Variants in PDGFC observed in about 807,000 individuals in gnomAD.
The protein encoded by PDGFC is platelet derived growth factor C, also known as platelet-derived growth factor C.
In PDGFC, 12 loss-of-function variants were observed where a neutral mutation model predicts 35.5. The observed-to-expected ratio is 0.34, with a 90% CI of 0.22 to 0.55. The LOEUF is 0.55. PDGFC is among the 20% of genes least tolerant of loss of function. The pLI, the probability that PDGFC is intolerant of heterozygous loss-of-function variation, is 0.91. For synonymous variants in PDGFC, 159 were observed against 148.8 expected, an observed-to-expected ratio of 1.07 and a Z score of -0.50; for missense variants, 322 against 412.4, an observed-to-expected ratio of 0.78 and a Z score of 1.90.
At chr4:156,934,378 T>C (rs146033221) in intron 1 of PDGFC, among the ~76,000 whole-genome samples, 1 of 152,186 alleles carries the variant, frequency 6.6e-6, no homozygotes, top group Non-Finnish European at 1.5e-5. Flanking sequence ...ATAAAAGATT[T>C]AAAATGGTAC....
At chr4:156,793,342 G>A (rs919479704) in intron 3 of PDGFC, among the ~76,000 whole-genome samples, 4 of 151,488 alleles carry the variant, frequency 2.6e-5, no homozygotes, top group Non-Finnish European at 2.9e-5. Flanking sequence ...GACGTAAAAT[G>A]ACCAAAGAGC....
intron 2 of PDGFC, among the ~76,000 whole-genome samples, chr4:156,812,562 G>C (rs1045762531): frequency 6.6e-6 from 1 of 151,718 alleles, no homozygotes; most frequent in African/African-American, 2.4e-5. Context: ...GTAGATACCA[G>C]ACTACCAAAA....
Position 156,763,589 on chromosome 4 carries a change from A to G in PDGFC, c.922-383T>C, listed in dbSNP as rs140734419. 5.2e-3 allele frequency among the ~76,000 whole-genome samples: 793 copies of G among 152,292 alleles called. 9 individuals carry two copies. Among genetic ancestry groups the G allele is most frequent in the African/African-American group, 0.017 (705 of 41,562 alleles). ...GTTTGTCGCTTTCTTTCATTCATTCATTTATTCACACATTTAACAAATATT... is the reference window on the plus strand; with the variant it reads ...GTTTGTCGCTTTCTTTCATTCATTCGTTTATTCACACATTTAACAAATATT... On this transcript the variant is annotated intron_variant, in intron 5 of 5. Coordinates refer to ENST00000502773, the MANE Select transcript of PDGFC (RefSeq NM_016205.3).
chr4:156,854,583 T>C (rs779329825), intron 1 of PDGFC, among the ~76,000 whole-genome samples: 2 of 147,680 alleles, frequency 1.4e-5, no homozygotes, highest in African/African-American at 2.5e-5. Context: ...GTCAAAGTTT[T>C]ATGTAAATCT....
At chr4:156,794,906 A>C (rs1464363487) in intron 3 of PDGFC, among the ~76,000 whole-genome samples, 2 of 152,170 alleles carry the variant, frequency 1.3e-5, no homozygotes, top group African/African-American at 2.4e-5. Flanking sequence ...CGATTTTCCA[A>C]TGACATATCA....
chr4:156,881,509 AG>A (rs1383995848), intron 1 of PDGFC, among the ~76,000 whole-genome samples: 3 of 152,078 alleles, frequency 2.0e-5, no homozygotes, highest in Non-Finnish European at 2.9e-5. Context: ...TGAATCATGG[AG>A]GCAGGTCTTT....
chr4:156,970,957 T>G lies in PDGFC; in HGVS notation c.-54A>C. The G allele has an allele frequency of 8.7e-7, 1 of 1,149,214 alleles. No homozygotes were observed. The allele number at this position is 1,149,214 out of a possible 1,614,324, so 71.2% of individuals were successfully genotyped here. ...CGGCGGGCACTTTGGAAGCAGCGAC[T>G]CCCGAGTCTCTTTCACCACCGCCAG... On this transcript the variant is annotated 5_prime_UTR_variant, in exon 1 of 6. Coordinates refer to ENST00000502773, the MANE Select transcript of PDGFC (RefSeq NM_016205.3).
chr4:156,960,781 C>T (rs140124856), intron 1 of PDGFC, among the ~76,000 whole-genome samples: 261 of 152,108 alleles, frequency 1.7e-3, no homozygotes, highest in African/African-American at 6.0e-3. Flanking sequence ...ATAAGAAATT[C>T]ATCTAAATTT....
chr4:156,951,711 A>AAT (rs1239504278), intron 1 of PDGFC, among the ~76,000 whole-genome samples: 1 of 150,964 alleles, frequency 6.6e-6, no homozygotes, highest in Non-Finnish European at 1.5e-5. Context: ...TCTGAGCCTG[A>AAT]ATATCCACTC....
At chr4:156,825,014 G>A (rs931602190) in intron 2 of PDGFC, among the ~76,000 whole-genome samples, 11 of 152,012 alleles carry the variant, frequency 7.2e-5, no homozygotes, top group East Asian at 5.8e-4. Context: ...CTAAATCACC[G>A]CATTATTGAA....
chr4:156,821,732 T>C (rs1732266866), intron 2 of PDGFC, among the ~76,000 whole-genome samples: 1 of 152,090 alleles, frequency 6.6e-6, no homozygotes, highest in African/African-American at 2.4e-5. Flanking sequence ...GTATTTTTAG[T>C]AGAGACGGGG....
chr4:156,837,316 C>T (rs953303361), intron 2 of PDGFC, among the ~76,000 whole-genome samples: 38 of 152,212 alleles, frequency 2.5e-4, no homozygotes, highest in African/African-American at 8.9e-4. Context: ...GAGTTGGAGG[C>T]TGCAGTGAGC....
chr4:156,873,544 T>C (rs1348001271), intron 1 of PDGFC, among the ~76,000 whole-genome samples: 1 of 152,192 alleles, frequency 6.6e-6, no homozygotes, highest in Non-Finnish European at 1.5e-5. Flanking sequence ...CCACAGACAT[T>C]TCCTATAACT....
intron 3 of PDGFC, among the ~76,000 whole-genome samples, chr4:156,781,111 T>C (rs1252457646): frequency 6.6e-6 from 1 of 152,166 alleles, no homozygotes; most frequent in East Asian, 1.9e-4. Flanking sequence ...AAAATTCCTA[T>C]TTCTTATCAA....
At chr4:156,878,144 G>A (rs947611965) in intron 1 of PDGFC, among the ~76,000 whole-genome samples, 4 of 152,146 alleles carry the variant, frequency 2.6e-5, no homozygotes, top group African/African-American at 7.2e-5. Context: ...CATAGAAAGC[G>A]CTTAAAAATA....
intron 1 of PDGFC, among the ~76,000 whole-genome samples, chr4:156,872,416 T>G (rs1180871592): frequency 6.6e-6 from 1 of 152,220 alleles, no homozygotes; most frequent in Non-Finnish European, 1.5e-5. Flanking sequence ...ATTGCTTTGA[T>G]GCACTCCAAT....
At chr4:156,930,427 G>A (rs185347237) in intron 1 of PDGFC, among the ~76,000 whole-genome samples, 9 of 152,172 alleles carry the variant, frequency 5.9e-5, no homozygotes, top group South Asian at 2.1e-4. Context: ...ATTTTTTGGC[G>A]GGGACCAATG....
rs59421806 is a variant in PDGFC at position 156,826,174 on chromosome 4, A to ATTTTTTTTTTTTTTTTTTTTTT, written c.315-15179_315-15158dup. Among the ~76,000 whole-genome samples the ATTTTTTTTTTTTTTTTTTTTTT allele has an allele frequency of 9.1e-5, 4 of 43,790 alleles. 2 individuals are homozygous for ATTTTTTTTTTTTTTTTTTTTTT. The highest frequency in any genetic ancestry group is 1.6e-4 in the African/African-American group (2 of 12,386). 28.7% of individuals were successfully genotyped at this position (43,790 alleles called of 152,430 possible). A position where few individuals can be genotyped will look rare whatever the true frequency, so the allele number is the denominator to read the frequency against. On this transcript the variant is annotated intron_variant, in intron 2 of 5. Transcript: ENST00000502773. Reference sequence around the variant, plus strand: ...GCCACCATATCCAGCTTTGAGTTGGATTTTTTTTTTTTTTTTTTTTTTTTT... The same window carrying ATTTTTTTTTTTTTTTTTTTTTT: ...GCCACCATATCCAGCTTTGAGTTGGATTTTTTTTTTTTTTTTTTTTTTTTTTTTTTTTTTTTTTTTTTTTTTT...
rs1167800655 is a variant in PDGFC at position 156,762,675 on chromosome 4, T to A, written c.*415A>T. The A allele has an allele frequency of 6.6e-6, 1 of 151,856 alleles. No homozygotes were observed. The highest frequency in any genetic ancestry group is 1.4e-5 in the Non-Finnish European group (1 of 69,096). 9.4% of individuals were successfully genotyped at this position (151,856 alleles called of 1,614,324 possible). A position where few individuals can be genotyped will look rare whatever the true frequency, so the allele number is the denominator to read the frequency against. ...TTTATACGATTTTAGGCCCAGGACATGGAGCTTTAGAGTTAAGCAAGGCAA... is the reference window on the plus strand; with the variant it reads ...TTTATACGATTTTAGGCCCAGGACAAGGAGCTTTAGAGTTAAGCAAGGCAA... On this transcript the variant is annotated 3_prime_UTR_variant, in exon 6 of 6. Transcript: ENST00000502773.
Sources: allele counts gnomAD v4.1 joint callset (sites outside exome capture counted in the v4.1 genomes callset), GRCh38; gene constraint gnomAD v4.1.1; transcripts MANE v1.5; gene names NCBI Gene and HGNC (gene_info 2026-07-23, HGNC 2026-07-21).